Variants in GRIP1 observed in about 807,000 individuals in gnomAD.
GRIP1 encodes the protein glutamate receptor interacting protein 1.
GRIP1 carries 45 observed loss-of-function variants against 129.9 expected under a neutral mutation model. That is an observed-to-expected ratio of 0.35 (90% CI 0.27 to 0.44). The LOEUF is 0.44. Ranked by LOEUF, GRIP1 falls within the 20% of genes least tolerant of loss-of-function variation. The pLI is 1.00. For synonymous variants in GRIP1, 530 were observed against 520.8 expected (o/e 1.02, Z -0.24); for missense variants, 1,196 against 1,396.8 (o/e 0.86, Z 2.29).
chr12:66,829,609 G>C (rs919445667), intron 1 of GRIP1, among the ~76,000 whole-genome samples: 1 of 152,080 alleles, frequency 6.6e-6, no homozygotes, highest in African/African-American at 2.4e-5. Context: ...CCCAAATCTA[G>C]TTAAATTTTG....
intron 1 of GRIP1, among the ~76,000 whole-genome samples, chr12:66,913,442 A>T (rs1213336911): frequency 1.3e-5 from 2 of 152,130 alleles, no homozygotes. Context: ...AACAAAAAAA[A>T]CCCTCAGTAA....
intron 1 of GRIP1, among the ~76,000 whole-genome samples, chr12:66,854,995 A>G (rs530324114): frequency 2.6e-5 from 4 of 152,148 alleles, no homozygotes; most frequent in African/African-American, 9.6e-5. Context: ...TACTACTTGA[A>G]GTGATGTTTT....
chr12:66,511,519 T>C (rs771590439), intron 7 of GRIP1, among the ~76,000 whole-genome samples: 5 of 152,234 alleles, frequency 3.3e-5, no homozygotes, highest in Non-Finnish European at 7.3e-5. Flanking sequence ...CTCTGGCTTA[T>C]TCTGTTTGGG....
intron 1 of GRIP1, among the ~76,000 whole-genome samples, chr12:67,004,896 C>T (rs1489283441): frequency 6.6e-6 from 1 of 151,706 alleles, no homozygotes; most frequent in Non-Finnish European, 1.5e-5. Context: ...GAAATGTATG[C>T]ATAACAGAAA....
chr12:66,587,500 G>A (rs553067554), intron 2 of GRIP1, among the ~76,000 whole-genome samples: 1 of 152,366 alleles, frequency 6.6e-6, no homozygotes, highest in East Asian at 1.9e-4. Flanking sequence ...TGTTTCAACT[G>A]CTAGCCTGCC....
chr12:66,761,295 T>C (rs1193777464), intron 1 of GRIP1, among the ~76,000 whole-genome samples: 1 of 152,114 alleles, frequency 6.6e-6, no homozygotes, highest in African/African-American at 2.4e-5. Context: ...ATTAAGTACA[T>C]GCATCTTTGT....
At chr12:67,037,645 G>A (rs1439126241) in intron 1 of GRIP1, among the ~76,000 whole-genome samples, 1 of 151,948 alleles carries the variant, frequency 6.6e-6, no homozygotes, top group Non-Finnish European at 1.5e-5. Context: ...AGTTAAATTA[G>A]GTATTTATCA....
rs576302169 is a variant in GRIP1 at position 66,618,110 on chromosome 12, TCAAA to T, written c.56-21187_56-21184del. 1.0e-3 allele frequency among the ~76,000 whole-genome samples: 154 copies of T among 152,290 alleles called. 1 individual carries two copies. The highest frequency in any genetic ancestry group is 2.0e-3 in the Non-Finnish European group (133 of 68,022). ...ACAATATTTGAAATAGCTCAAAACT[TCAAA>T]CAGACTGGAAACAACTCAAATGTTT... On this transcript the variant is annotated intron_variant, in intron 1 of 24. Coordinates refer to ENST00000359742, the MANE Select transcript of GRIP1 (RefSeq NM_001366722.1).
At chr12:66,719,898 G>A (rs1011723622) in intron 1 of GRIP1, among the ~76,000 whole-genome samples, 2 of 152,132 alleles carry the variant, frequency 1.3e-5, no homozygotes, top group Admixed American at 1.3e-4. Flanking sequence ...AACGGACACA[G>A]GCCTACAGAT....
At chr12:66,475,929 G>A (rs2059593556) in intron 7 of GRIP1, among the ~76,000 whole-genome samples, 1 of 151,656 alleles carries the variant, frequency 6.6e-6, no homozygotes, top group Non-Finnish European at 1.5e-5. Context: ...ACGCTAAAAT[G>A]TGATCTAAAA....
At chr12:66,900,610 T>G (rs953373185) in intron 1 of GRIP1, among the ~76,000 whole-genome samples, 2 of 152,180 alleles carry the variant, frequency 1.3e-5, no homozygotes, top group African/African-American at 4.8e-5. Flanking sequence ...TCTACATAGT[T>G]TCTATCTGCA....
intron 1 of GRIP1, among the ~76,000 whole-genome samples, chr12:66,717,578 A>G (rs1241002941): frequency 1.3e-5 from 2 of 152,172 alleles, no homozygotes; most frequent in Admixed American, 1.3e-4. Context: ...AATCCAAGAA[A>G]TGTATTGCCA....
chr12:66,372,019 G>C, intron 22 of GRIP1, 92 bp from the exon 23 acceptor site: 2 of 845,886 alleles, frequency 2.4e-6, no homozygotes, highest in Admixed American at 1.9e-5. Flanking sequence ...CTTCTGCGAG[G>C]TAAAAATACA....
At chr12:66,746,328 T>C (rs924924511) in intron 1 of GRIP1, among the ~76,000 whole-genome samples, 5 of 152,316 alleles carry the variant, frequency 3.3e-5, no homozygotes, top group African/African-American at 4.8e-5. Context: ...TTTCATAGCA[T>C]TGAAGCCTGA....
intron 1 of GRIP1, chr12:66,630,447 T>C (rs2030640155): frequency 6.6e-6 from 1 of 152,176 alleles, no homozygotes; most frequent in South Asian, 2.1e-4. Flanking sequence ...GGGCTTAAGT[T>C]CTTATGGGGC....
At chr12:66,416,624 G>A (rs1326165695) in intron 15 of GRIP1, among the ~76,000 whole-genome samples, 1 of 152,154 alleles carries the variant, frequency 6.6e-6, no homozygotes, top group Non-Finnish European at 1.5e-5. Flanking sequence ...TGGCTCCTAT[G>A]AGCAACTATA....
At chr12:66,937,003 A>G (rs1181111396) in intron 1 of GRIP1, among the ~76,000 whole-genome samples, 1 of 152,094 alleles carries the variant, frequency 6.6e-6, no homozygotes, top group African/African-American at 2.4e-5. Context: ...TACTGCTTCC[A>G]TTAATCATCT....
intron 11 of GRIP1, 142 bp from the exon 12 acceptor site, chr12:66,445,650 G>T: frequency 1.6e-6 from 1 of 613,080 alleles, no homozygotes; most frequent in Non-Finnish European, 2.9e-6. Context: ...TTTAGCAAGA[G>T]TTGAAAAAGA....
At chr12:66,810,318 G>A (rs1164681522) in intron 1 of GRIP1, among the ~76,000 whole-genome samples, 1 of 152,146 alleles carries the variant, frequency 6.6e-6, no homozygotes, top group Non-Finnish European at 1.5e-5. Flanking sequence ...AGCACTTTGG[G>A]AGGCCAAGGC....
Sources: gnomAD v4.1 joint callset for allele counts (sites outside exome capture counted in the v4.1 genomes callset) on GRCh38, gnomAD v4.1.1 for gene constraint, MANE v1.5 for transcripts, NCBI Gene and HGNC (gene_info 2026-07-23, HGNC 2026-07-21) for gene names.